The following ATP8A2 variants were observed in gnomAD, a reference collection of about 807,000 sequenced individuals.
The protein encoded by ATP8A2 is phospholipid-transporting ATPase IB.
A neutral mutation model predicts 165.6 loss-of-function variants in ATP8A2; 100 were observed. The observed-to-expected ratio is 0.60, with a 90% CI of 0.51 to 0.71. ATP8A2 has a LOEUF of 0.71. ATP8A2 is among the 30% of genes least tolerant of loss of function. The pLI is 0.00. For synonymous variants in ATP8A2, 543 were observed against 548.8 expected (o/e 0.99, Z 0.15); for missense variants, 1,227 against 1,479.5 (o/e 0.83, Z 2.80).
At position 25,827,169 on chromosome 13, in the gene ATP8A2, G is replaced by A. The variant is rs184936320; in HGVS notation, c.2680-949G>A. Among the ~76,000 whole-genome samples, 58 of 152,160 alleles carry A rather than the reference G, an allele frequency of 3.8e-4. 1 individual carries two copies. Among genetic ancestry groups the A allele is most frequent in the African/African-American group, 1.3e-3 (54 of 41,518 alleles). On this transcript the variant is annotated intron_variant, in intron 27 of 36. Coordinates refer to ENST00000381655, the MANE Select transcript of ATP8A2 (RefSeq NM_016529.6). The stretch of plus-strand genomic sequence containing the variant: ...TTGTCGCCCAGGCTGGAGTGCAGTG[G>A]CACTATCTTGGCTCACTGCAACCTC...
chr13:25,408,461 TG>T (rs2033873438), intron 1 of ATP8A2, among the ~76,000 whole-genome samples: 1 of 151,986 alleles, frequency 6.6e-6, no homozygotes, highest in South Asian at 2.1e-4. Context: ...ACAGACAGGA[TG>T]GTGAGCAGTG....
chr13:25,949,776 G>T (rs1955304229), intron 33 of ATP8A2, among the ~76,000 whole-genome samples: 1 of 152,132 alleles, frequency 6.6e-6, no homozygotes, highest in Admixed American at 6.5e-5. Flanking sequence ...TATTTATGTT[G>T]TTGTTAAAAG....
rs996816651 is a variant in ATP8A2, at chr13:25,532,186, G to A, written c.421-86G>A. On this transcript the variant is annotated intron_variant, in intron 4 of 36. Coordinates refer to ENST00000381655, the MANE Select transcript of ATP8A2 (RefSeq NM_016529.6). ...TTGGCATTTAGTTTCCTTGTCCCCT[G>A]TAATTTCCTGATTGTTTTGTTTGCT... 20 of 1,085,270 alleles carry A rather than the reference G, an allele frequency of 1.8e-5. No individual in the cohort carries two copies. The African/African-American group carries it at 2.8e-4, about 15-fold the overall frequency. 67.2% of individuals were successfully genotyped at this position (1,085,270 alleles called of 1,614,324 possible).
chr13:25,739,951 T>C (rs1037727558), intron 25 of ATP8A2, among the ~76,000 whole-genome samples: 8 of 152,128 alleles, frequency 5.3e-5, no homozygotes, highest in Admixed American at 5.2e-4. Context: ...TTTGGATGTA[T>C]ACATTGCACA....
chr13:25,945,770 C>T lies in ATP8A2; in HGVS notation c.3184-15805C>T, dbSNP rs1025950874. Among the ~76,000 whole-genome samples, 3 of 152,250 alleles carry T rather than the reference C, an allele frequency of 2.0e-5. No homozygotes were observed. The East Asian group carries it at 5.8e-4, about 29-fold the overall frequency. ...GGATTTTTCTGCTCCGGGAAGGCTGCCTGAGGGATGGATCGCGGCCAGCTG... is the reference window on the plus strand; with the variant it reads ...GGATTTTTCTGCTCCGGGAAGGCTGTCTGAGGGATGGATCGCGGCCAGCTG... On this transcript the variant is annotated intron_variant, in intron 33 of 36. Coordinates refer to ENST00000381655, the MANE Select transcript of ATP8A2 (RefSeq NM_016529.6).
intron 27 of ATP8A2, among the ~76,000 whole-genome samples, chr13:25,793,474 C>T (rs544210535): frequency 6.6e-4 from 100 of 152,196 alleles, no homozygotes; most frequent in African/African-American, 2.3e-3. Context: ...TTCTCCTATA[C>T]GCTATGTTTA....
At position 25,898,413 on chromosome 13, in the gene ATP8A2, G is replaced by A. The variant is rs905879922; in HGVS notation, c.3183+36005G>A. On this transcript the variant is annotated intron_variant, in intron 33 of 36. Transcript: ENST00000381655. ...TTTTGTCTCAGAGGAGTACCCAGCC[G>A]TGTGAGGTGTCAGTCCGCCCCTACT... is the stretch of plus-strand genomic sequence containing the variant. Among the ~76,000 whole-genome samples, 14 of 152,286 alleles carry A rather than the reference G, an allele frequency of 9.2e-5. No individual in the cohort carries two copies. In the South Asian group the frequency reaches 1.0e-3, roughly 11 times the overall value.
chr13:25,382,920 T>C (rs1436192158), intron 1 of ATP8A2, among the ~76,000 whole-genome samples: 1 of 151,138 alleles, frequency 6.6e-6, no homozygotes, highest in African/African-American at 2.4e-5. Flanking sequence ...CATGCCCAGC[T>C]AATTTTTTGT....
At chr13:25,860,340 C>T in intron 31 of ATP8A2, 84 bp downstream of exon 31, 1 of 718,294 alleles carries the variant, frequency 1.4e-6, no homozygotes, top group Non-Finnish European at 2.4e-6. Flanking sequence ...AAGGGCCTTC[C>T]TCATTATTAT....
chr13:25,738,338 CCT>C lies in ATP8A2; in HGVS notation c.2385-30706_2385-30705del, dbSNP rs1328595055. ...TCTGCTTTTTTTCTTTTTGTGCCCC[CCT>C]CCCCCCCCCCCACACACACTTCTTC... On this transcript the variant is annotated intron_variant, in intron 25 of 36. Transcript: ENST00000381655. 0.014 allele frequency among the ~76,000 whole-genome samples: 369 copies of C among 25,578 alleles called. 4 individuals carry two copies. In the East Asian group the frequency reaches 0.19, roughly 13 times the overall value. The allele number at this position is 25,578 out of a possible 152,430, so 16.8% of individuals were successfully genotyped here.
intron 24 of ATP8A2, among the ~76,000 whole-genome samples, chr13:25,652,855 T>A (rs1024824343): frequency 6.6e-6 from 1 of 152,184 alleles, no homozygotes; most frequent in Admixed American, 6.5e-5. Context: ...CATTCTTCCT[T>A]TTATTTGGAA....
At chr13:25,784,700 G>T (rs767180309) in intron 27 of ATP8A2, among the ~76,000 whole-genome samples, 6 of 152,090 alleles carry the variant, frequency 3.9e-5, no homozygotes, top group Non-Finnish European at 4.4e-5. Flanking sequence ...TTATCCAACT[G>T]AAATCTTTCC....
chr13:26,012,675 G>C, intron 36 of ATP8A2, 53 bp downstream of exon 36: 2 of 1,264,126 alleles, frequency 1.6e-6, no homozygotes, highest in Non-Finnish European at 2.1e-6. Context: ...TGCGGGGCGG[G>C]GGTTGATGAG....
At chr13:25,820,076 G>C (rs1951135468) in intron 27 of ATP8A2, among the ~76,000 whole-genome samples, 1 of 152,200 alleles carries the variant, frequency 6.6e-6, no homozygotes, top group African/African-American at 2.4e-5. Flanking sequence ...GTAGTCGTTT[G>C]TTAAGTGTCG....
At chr13:25,808,099 C>T (rs910483624) in intron 27 of ATP8A2, among the ~76,000 whole-genome samples, 2 of 151,502 alleles carry the variant, frequency 1.3e-5, no homozygotes, top group East Asian at 3.9e-4. Flanking sequence ...CATTTTTTAG[C>T]CCAAGTTCAA....
chr13:25,444,641 T>A (rs931558152), intron 1 of ATP8A2, among the ~76,000 whole-genome samples: 1 of 152,006 alleles, frequency 6.6e-6, no homozygotes, highest in Non-Finnish European at 1.5e-5. Flanking sequence ...ATCTGTTTTT[T>A]TTTTTTGTTT....
intron 33 of ATP8A2, among the ~76,000 whole-genome samples, chr13:25,942,061 A>G (rs1004307953): frequency 1.3e-5 from 2 of 152,170 alleles, no homozygotes; most frequent in African/African-American, 2.4e-5. Flanking sequence ...AATAGATTGT[A>G]TTATATGTAC....
intron 27 of ATP8A2, among the ~76,000 whole-genome samples, chr13:25,801,517 G>A (rs922485650): frequency 1.2e-4 from 18 of 152,122 alleles, no homozygotes; most frequent in African/African-American, 4.3e-4. Flanking sequence ...CCTGAAGATG[G>A]TACTTCTCCA....
At chr13:25,718,482 A>C (rs1237307813) in intron 25 of ATP8A2, among the ~76,000 whole-genome samples, 2 of 152,164 alleles carry the variant, frequency 1.3e-5, no homozygotes, top group African/African-American at 2.4e-5. Context: ...GCTCACTGGC[A>C]TACTGGTATA....
Sources: allele counts gnomAD v4.1 joint callset (sites outside exome capture counted in the v4.1 genomes callset), GRCh38; gene constraint gnomAD v4.1.1; transcripts MANE v1.5; gene names NCBI Gene and HGNC (gene_info 2026-07-23, HGNC 2026-07-21).